Variants in HIVEP3 observed in about 807,000 individuals in gnomAD.
The protein encoded by HIVEP3 is HIVEP zinc finger 3, also known as transcription factor HIVEP3.
HIVEP3 carries 49 observed loss-of-function variants against 152.8 expected under a neutral mutation model. The observed-to-expected ratio is 0.32, with a 90% CI of 0.26 to 0.41. HIVEP3 has a LOEUF of 0.41. Among genes scored for constraint, HIVEP3 ranks in the 10% least tolerant of loss-of-function variants. The pLI is 1.00. For synonymous variants in HIVEP3, 1,269 were observed against 1,289.0 expected, an observed-to-expected ratio of 0.98 and a Z score of 0.33; for missense variants, 2,790 against 3,103.3, an observed-to-expected ratio of 0.90 and a Z score of 2.40.
At position 41,662,226 on chromosome 1, in the gene HIVEP3, G is replaced by T. The variant is rs1196640904; in HGVS notation, c.-720-33279C>A. The T allele has an allele frequency of 2.8e-5, 4 of 145,138 alleles. No individual in the cohort carries two copies. Among genetic ancestry groups the T allele is most frequent in the Non-Finnish European group, 6.1e-5 (4 of 65,234 alleles). 9.0% of individuals were successfully genotyped at this position (145,138 alleles called of 1,614,324 possible). Reference sequence around the variant, plus strand: ...TGCGCGCCCGGCCTCCGCGCGGCTCGGCAGCGCCCGCGCGCTCGGCTCCGC... The same window carrying T: ...TGCGCGCCCGGCCTCCGCGCGGCTCTGCAGCGCCCGCGCGCTCGGCTCCGC... On this transcript the variant is annotated intron_variant, in intron 2 of 8. Transcript: ENST00000372583. This position sits in a 1 kb window ranked among gnomAD's most constrained non-coding sequence, Gnocchi z 7.2.
At chr1:41,801,057 G>A (rs1428773934) in intron 1 of HIVEP3, among the ~76,000 whole-genome samples, 1 of 152,118 alleles carries the variant, frequency 6.6e-6, no homozygotes, top group Non-Finnish European at 1.5e-5. Context: ...AGTCACAAAG[G>A]ACTTAAAAGC....
chr1:42,025,811 T>C (rs181401619), intron 1 of HIVEP3, among the ~76,000 whole-genome samples: 120 of 152,328 alleles, frequency 7.9e-4, no homozygotes, highest in African/African-American at 2.8e-3. Context: ...AGCTCACACC[T>C]GTAATCACAG....
At chr1:41,935,613 ACT>A (rs1003322884) in intron 1 of HIVEP3, among the ~76,000 whole-genome samples, 2 of 149,882 alleles carry the variant, frequency 1.3e-5, no homozygotes, top group Admixed American at 1.3e-4. Flanking sequence ...TGTCTCTCTC[ACT>A]CTCTCTCTGT....
At chr1:41,889,641 G>T (rs1251200920) in intron 1 of HIVEP3, among the ~76,000 whole-genome samples, 1 of 152,150 alleles carries the variant, frequency 6.6e-6, no homozygotes, top group Non-Finnish European at 1.5e-5. Flanking sequence ...AGCCCGGCAG[G>T]GTGGGCCTTC....
chr1:41,994,057 G>A (rs1317505325), intron 1 of HIVEP3, among the ~76,000 whole-genome samples: 2 of 150,404 alleles, frequency 1.3e-5, no homozygotes, highest in Non-Finnish European at 1.5e-5. Context: ...GCTAGATGAC[G>A]AGTTAGTGGG....
chr1:41,527,773 C>T (rs1313231676), intron 5 of HIVEP3, among the ~76,000 whole-genome samples: 2 of 147,584 alleles, frequency 1.4e-5, no homozygotes, highest in African/African-American at 5.1e-5. Flanking sequence ...ACTCCACACT[C>T]CTGCACTCAC....
chr1:41,559,110 C>T (rs565947213), intron 5 of HIVEP3, among the ~76,000 whole-genome samples: 7 of 152,162 alleles, frequency 4.6e-5, no homozygotes, highest in South Asian at 2.1e-4. Context: ...TCCAAAATTC[C>T]GCTTGGAGCT....
chr1:41,673,160 C>T (rs1645903343), intron 2 of HIVEP3, among the ~76,000 whole-genome samples: 1 of 152,170 alleles, frequency 6.6e-6, no homozygotes, highest in Admixed American at 6.5e-5. Flanking sequence ...TCCCTAGGGG[C>T]CCAGCCTGAG....
rs1478174515 is a variant in HIVEP3, at chr1:41,662,065, C to T, written c.-720-33118G>A. On this transcript the variant is annotated intron_variant, in intron 2 of 8. Transcript: ENST00000372583. This position sits in a 1 kb window ranked among gnomAD's most constrained non-coding sequence, Gnocchi z 7.2. ...CCCTCCGGTCCCTCTGCCGCCCGCT[C>T]GGCGGTGCCCGGTCCCTGGGCTGCC... The T allele has an allele frequency of 2.0e-5, 3 of 151,674 alleles. No homozygotes were observed. The highest frequency in any genetic ancestry group is 4.4e-5 in the Non-Finnish European group (3 of 67,890). 9.4% of individuals were successfully genotyped at this position (151,674 alleles called of 1,614,324 possible).
In HIVEP3 at chr1:41,583,532, A is replaced by G. The variant is rs1644454098; in HGVS notation, c.1266T>C (p.Cys422=). 1 of 1,613,904 alleles carries G rather than the reference A, an allele frequency of 6.2e-7. No individual in the cohort carries two copies. Among genetic ancestry groups the G allele is most frequent in the African/African-American group, 1.3e-5 (1 of 74,876 alleles). ...KSYAEIIFGK[C]GRIGQRTAML... Reference sequence around the variant, plus strand: ...TGGCGGTCCGCTGTCCTATTCGCCCACACTTGCCAAAGATGATCTCAGCGT... The same window carrying G: ...TGGCGGTCCGCTGTCCTATTCGCCCGCACTTGCCAAAGATGATCTCAGCGT... Residue 422 remains cysteine (C), a synonymous_variant, in exon 4 of 9, where the codon TGT becomes TGC. Transcript: ENST00000372583. The surrounding 1 kb of genome is among the most constrained non-coding windows in gnomAD (Gnocchi z 6.9).
At chr1:41,974,034 G>A (rs1645245624) in intron 1 of HIVEP3, among the ~76,000 whole-genome samples, 1 of 152,170 alleles carries the variant, frequency 6.6e-6, no homozygotes, top group African/African-American at 2.4e-5. Context: ...AAGAAATGGG[G>A]CAGTCAAGGC....
At chr1:41,872,722 T>C (rs1644104219) in intron 1 of HIVEP3, among the ~76,000 whole-genome samples, 1 of 152,258 alleles carries the variant, frequency 6.6e-6, no homozygotes, top group Non-Finnish European at 1.5e-5. Context: ...TTTTTGCATG[T>C]GTCGGTAGTT....
At chr1:41,987,469 G>A (rs1039380947) in intron 1 of HIVEP3, among the ~76,000 whole-genome samples, 2 of 152,116 alleles carry the variant, frequency 1.3e-5, no homozygotes, top group African/African-American at 4.8e-5. Flanking sequence ...AAGGAATCTT[G>A]AGCAAACAGA....
At chr1:42,023,747 A>G (rs1317366605) in intron 1 of HIVEP3, among the ~76,000 whole-genome samples, 1 of 152,172 alleles carries the variant, frequency 6.6e-6, no homozygotes, top group Non-Finnish European at 1.5e-5. Context: ...CACTGCAGAA[A>G]CTGAGCCGAT....
intron 2 of HIVEP3, among the ~76,000 whole-genome samples, chr1:41,660,170 T>G (rs947149411): frequency 2.0e-5 from 3 of 152,072 alleles, no homozygotes; most frequent in Non-Finnish European, 2.9e-5. Context: ...TTTGAGTGTG[T>G]AAGAGTGCAC....
chr1:41,653,837 A>T (rs948067676), intron 2 of HIVEP3, among the ~76,000 whole-genome samples: 1 of 151,842 alleles, frequency 6.6e-6, no homozygotes, highest in Non-Finnish European at 1.5e-5. Flanking sequence ...CACCTAAGCC[A>T]ACTCACTTGT....
Position 41,512,854 on chromosome 1 carries a change from G to T in HIVEP3, c.6367C>A (p.Leu2123Ile). ...LFPPAPLPHK[L>I]LSRSPETCAS... Reference sequence around the variant, plus strand: ...CAGGTCTCTGGGCTTCTGCTGAGGAGCTTGTGAGGTAGAGGCGCGGGCGGG... The same window carrying T: ...CAGGTCTCTGGGCTTCTGCTGAGGATCTTGTGAGGTAGAGGCGCGGGCGGG... The change falls in exon 8 of 9, where the codon CTC (leucine) becomes ATC (isoleucine). Residue 2123 changes from leucine to isoleucine, a missense_variant. This residue lies in a region of HIVEP3 where 816 missense variants were observed against 806.5 expected (regional missense o/e 1.01). Coordinates refer to ENST00000372583, the MANE Select transcript of HIVEP3 (RefSeq NM_024503.5). 6.5e-7 allele frequency: 1 copy of T among 1,542,388 alleles called. No individual in the cohort carries two copies. Among genetic ancestry groups the T allele is most frequent in the Admixed American group, 1.9e-5 (1 of 51,432 alleles).
rs545090359 is a variant in HIVEP3 at position 41,526,051 on chromosome 1, G to A, written c.5208-1141C>T. ...TGCCCCTGCCTGGTTCCAGCACAGA[G>A]GGGCAGGAGGTGGCTGGGAGGAGGT... is the stretch of plus-strand genomic sequence containing the variant. On this transcript the variant is annotated intron_variant, in intron 5 of 8. Transcript: ENST00000372583. Among the ~76,000 whole-genome samples, 11 of 152,192 alleles carry A rather than the reference G, an allele frequency of 7.2e-5. No individual in the cohort carries two copies. The East Asian group carries it at 2.1e-3, about 29-fold the overall frequency.
intron 2 of HIVEP3, among the ~76,000 whole-genome samples, chr1:41,658,648 G>C (rs1174567289): frequency 1.3e-5 from 2 of 152,204 alleles, no homozygotes; most frequent in African/African-American, 2.4e-5. Context: ...GGGGCTCAAG[G>C]GGGTGAAGTG....
Sources: allele counts gnomAD v4.1 joint callset (sites outside exome capture counted in the v4.1 genomes callset), GRCh38; gene constraint gnomAD v4.1.1; regional missense constraint gnomAD v4.1.1; non-coding constraint Gnocchi (gnomAD v3.1); transcripts MANE v1.5; gene names NCBI Gene and HGNC (gene_info 2026-07-23, HGNC 2026-07-21).